Variants in CNTNAP4 observed in about 807,000 individuals in gnomAD.
CNTNAP4 encodes the protein contactin associated protein family member 4, also known as contactin-associated protein-like 4.
A neutral mutation model predicts 148.4 loss-of-function variants in CNTNAP4; 98 were observed. That is an observed-to-expected ratio of 0.66 (90% CI 0.56 to 0.78). The LOEUF is 0.78. Among genes scored for constraint, CNTNAP4 ranks in the 30% least tolerant of loss-of-function variants. The pLI is 0.00. For synonymous variants in CNTNAP4, 730 were observed against 565.1 expected (o/e 1.29, Z -4.14); for missense variants, 1,935 against 1,565.6 (o/e 1.24, Z -3.98).
intron 3 of CNTNAP4, among the ~76,000 whole-genome samples, chr16:76,407,953 C>T (rs118095956): frequency 7.2e-5 from 11 of 152,164 alleles, no homozygotes; most frequent in Non-Finnish European, 1.3e-4. Flanking sequence ...GTCACCCCAA[C>T]CTTCAGCAAC....
rs934174970 is a variant in CNTNAP4, at chr16:76,558,747, G to C, written c.*64G>C. The C allele has an allele frequency of 1.5e-5, 18 of 1,237,156 alleles. No individual in the cohort carries two copies. Among genetic ancestry groups the C allele is most frequent in the Non-Finnish European group, 1.1e-5 (10 of 884,428 alleles). 76.6% of individuals were successfully genotyped at this position (1,237,156 alleles called of 1,614,324 possible). A position where few individuals can be genotyped will look rare whatever the true frequency, so the allele number is the denominator to read the frequency against. On this transcript the variant is annotated 3_prime_UTR_variant, in exon 24 of 24. Transcript: ENST00000611870. Reference sequence around the variant, plus strand: ...TTTTAATAGCCAGGGGTTCTCAATGGAAAAACGAATGCTCTTACACTGAAT... The same window carrying C: ...TTTTAATAGCCAGGGGTTCTCAATGCAAAAACGAATGCTCTTACACTGAAT...
intron 2 of CNTNAP4, among the ~76,000 whole-genome samples, chr16:76,351,127 CACTT>C (rs2011679305): frequency 6.6e-6 from 1 of 152,170 alleles, no homozygotes; most frequent in African/African-American, 2.4e-5. Context: ...GGTCAAATAA[CACTT>C]AACTAGCAGT....
At chr16:76,351,132 A>G (rs548228275) in intron 2 of CNTNAP4, among the ~76,000 whole-genome samples, 24 of 152,208 alleles carry the variant, frequency 1.6e-4, no homozygotes, top group Non-Finnish European at 3.1e-4. Flanking sequence ...AATAACACTT[A>G]ACTAGCAGTT....
chr16:76,402,510 T>C (rs547682177), intron 3 of CNTNAP4, among the ~76,000 whole-genome samples: 96 of 152,286 alleles, frequency 6.3e-4, no homozygotes, highest in African/African-American at 2.2e-3. Flanking sequence ...AACAACCTCC[T>C]GAATTTGTTG....
At chr16:76,543,450 T>C (rs761588698) in intron 21 of CNTNAP4, among the ~76,000 whole-genome samples, 2 of 152,214 alleles carry the variant, frequency 1.3e-5, no homozygotes, top group Non-Finnish European at 2.9e-5. Flanking sequence ...AAACAACAGC[T>C]GTGAAGACAG....
At chr16:76,452,798 A>G (rs768060577) in intron 8 of CNTNAP4, 29 bp downstream of exon 8, 13 of 1,499,418 alleles carry the variant, frequency 8.7e-6, no homozygotes, top group African/African-American at 5.6e-5. Flanking sequence ...GGGGCAAAGC[A>G]TATGGATTTG....
At chr16:76,317,014 C>T (rs1961830263) in intron 2 of CNTNAP4, among the ~76,000 whole-genome samples, 2 of 151,836 alleles carry the variant, frequency 1.3e-5, no homozygotes, top group Non-Finnish European at 2.9e-5. Context: ...GCCTATAATG[C>T]CAACACTTTA....
chr16:76,519,922 T>G (rs1390900010), intron 15 of CNTNAP4, among the ~76,000 whole-genome samples: 1 of 152,234 alleles, frequency 6.6e-6, no homozygotes, highest in Non-Finnish European at 1.5e-5. Context: ...AATTAAAATT[T>G]AAGAAACACG....
At chr16:76,360,218 C>A (rs1237383086) in intron 3 of CNTNAP4, among the ~76,000 whole-genome samples, 1 of 152,092 alleles carries the variant, frequency 6.6e-6, no homozygotes, top group East Asian at 1.9e-4. Context: ...GACACAGAGA[C>A]CCTGTGGCAT....
intron 3 of CNTNAP4, among the ~76,000 whole-genome samples, chr16:76,404,690 C>T (rs529948193): frequency 5.3e-5 from 8 of 152,000 alleles, no homozygotes; most frequent in Non-Finnish European, 1.0e-4. Flanking sequence ...ATGAATAATA[C>T]ATGAAATTGC....
intron 1 of CNTNAP4, among the ~76,000 whole-genome samples, chr16:76,278,948 C>G (rs1958584032): frequency 6.6e-6 from 1 of 152,162 alleles, no homozygotes. Context: ...ATCCATCACT[C>G]TGAAAGAAGG....
intron 3 of CNTNAP4, among the ~76,000 whole-genome samples, chr16:76,378,288 A>C (rs1010854994): frequency 1.3e-5 from 2 of 152,204 alleles, no homozygotes; most frequent in Non-Finnish European, 2.9e-5. Flanking sequence ...TCAAATTAAA[A>C]AATAAAAAAA....
intron 8 of CNTNAP4, among the ~76,000 whole-genome samples, chr16:76,461,159 A>G (rs550938635): frequency 4.2e-4 from 64 of 152,320 alleles, no homozygotes; most frequent in Middle Eastern, 6.8e-3. Context: ...ACAGTTCAGC[A>G]TTATGTTTGG....
At chr16:76,415,921 A>G (rs1020539201) in intron 3 of CNTNAP4, among the ~76,000 whole-genome samples, 7 of 88,496 alleles carry the variant, frequency 7.9e-5, no homozygotes, top group Admixed American at 2.7e-4. Context: ...TTGTATAGAT[A>G]TACTGTTTGT....
chr16:76,437,478 A>G (rs1337195911), intron 4 of CNTNAP4, among the ~76,000 whole-genome samples: 1 of 152,180 alleles, frequency 6.6e-6, no homozygotes, highest in Non-Finnish European at 1.5e-5. Context: ...ATTCAGCATC[A>G]GTTGAAGAGG....
chr16:76,555,344 A>G (rs4128379), intron 23 of CNTNAP4, among the ~76,000 whole-genome samples: 45,209 of 152,078 alleles, frequency 0.3, 6,803 homozygotes, highest in South Asian at 0.35. Flanking sequence ...ATCACCAAAC[A>G]TGCAAAACAA....
intron 2 of CNTNAP4, among the ~76,000 whole-genome samples, chr16:76,335,392 C>A (rs1398484407): frequency 6.6e-6 from 1 of 152,140 alleles, no homozygotes; most frequent in Non-Finnish European, 1.5e-5. Flanking sequence ...GACTGCACAG[C>A]TTGGGAACAA....
chr16:76,517,528 A>C (rs535988267), intron 15 of CNTNAP4, among the ~76,000 whole-genome samples: 1 of 152,318 alleles, frequency 6.6e-6, no homozygotes, highest in East Asian at 1.9e-4. Flanking sequence ...TTGCTTCGGC[A>C]TTTCTAAATT....
At chr16:76,322,141 C>G (rs1174441860) in intron 2 of CNTNAP4, among the ~76,000 whole-genome samples, 1 of 152,182 alleles carries the variant, frequency 6.6e-6, no homozygotes, top group Non-Finnish European at 1.5e-5. Context: ...GAGAGTATGC[C>G]TTTGGCAACT....
Sources: gnomAD v4.1 joint callset for allele counts (sites outside exome capture counted in the v4.1 genomes callset) on GRCh38, gnomAD v4.1.1 for gene constraint, MANE v1.5 for transcripts, NCBI Gene and HGNC (gene_info 2026-07-23, HGNC 2026-07-21) for gene names.